GALNT16: variants seen among roughly 807,000 people sequenced by gnomAD.
GALNT16 encodes UDP-GalNAc:polypeptide N-acetylgalactosaminyltransferase-like protein 1.
In GALNT16, 40 loss-of-function variants were observed where a neutral mutation model predicts 76.1. That is an observed-to-expected ratio of 0.53 (90% CI 0.41 to 0.68). The LOEUF (loss-of-function observed/expected upper bound fraction) is 0.68, where lower values mean the gene tolerates loss of function less well. GALNT16 is among the 30% of genes least tolerant of loss of function. GALNT16 has a pLI of 0.00. For synonymous variants in GALNT16, 276 were observed against 285.2 expected (o/e 0.97, Z 0.32); for missense variants, 621 against 731.9 (o/e 0.85, Z 1.75).
intron 2 of GALNT16, among the ~76,000 whole-genome samples, chr14:69,322,990 ACGCG>A (rs1235629233): frequency 1.3e-4 from 3 of 22,644 alleles, no homozygotes; most frequent in South Asian, 2.1e-3. Flanking sequence ...GTGCGCGCGC[ACGCG>A]CGCACGCATG....
chr14:69,385,217 A>AG, the GALNT16 span, among the ~76,000 whole-genome samples: 1 of 152,322 alleles, frequency 6.6e-6, no homozygotes, highest in African/African-American at 2.4e-5. Flanking sequence ...GAGAGAGACT[A>AG]GGAAAAAAAT....
intron 1 of GALNT16, among the ~76,000 whole-genome samples, chr14:69,289,250 G>C (rs889008597): frequency 6.6e-6 from 1 of 152,164 alleles, no homozygotes; most frequent in African/African-American, 2.4e-5. Flanking sequence ...CTTGAGAGTG[G>C]CTGAGTCCAT....
chr14:69,273,519 G>A (rs2044432526), intron 1 of GALNT16, among the ~76,000 whole-genome samples: 1 of 152,176 alleles, frequency 6.6e-6, no homozygotes, highest in Non-Finnish European at 1.5e-5. Flanking sequence ...CATGCACCTT[G>A]TATTTACTAA....
At chr14:69,285,044 T>C (rs1203904205) in intron 1 of GALNT16, among the ~76,000 whole-genome samples, 1 of 148,660 alleles carries the variant, frequency 6.7e-6, no homozygotes, top group Non-Finnish European at 1.5e-5. Context: ...GGCACTCTTT[T>C]TTTTTTTTTT....
intron 10 of GALNT16, 144 bp downstream of exon 10, chr14:69,338,921 T>C: frequency 1.5e-6 from 1 of 649,748 alleles, no homozygotes; most frequent in East Asian, 2.8e-5. Flanking sequence ...TCTGGTAACA[T>C]CCTGGGATTG....
At chr14:69,382,707 C>G in the GALNT16 span, among the ~76,000 whole-genome samples, 1 of 150,578 alleles carries the variant, frequency 6.6e-6, no homozygotes, top group Non-Finnish European at 1.5e-5. Flanking sequence ...GGCGTGGTGG[C>G]GCGCACCTGT....
downstream of GALNT16, chr14:69,359,321 T>A (rs1298562278): frequency 6.6e-6 from 1 of 152,212 alleles, no homozygotes; most frequent in Non-Finnish European, 1.5e-5. Flanking sequence ...CTGGGTTTGT[T>A]TTTGTTTTGC....
intron 9 of GALNT16, among the ~76,000 whole-genome samples, chr14:69,338,131 C>A (rs576039927): frequency 1.3e-5 from 2 of 152,306 alleles, no homozygotes; most frequent in East Asian, 3.9e-4. Context: ...GGAGGCATGG[C>A]TCAAGAGGGC....
chr14:69,336,849 C>A (rs1170089240), intron 9 of GALNT16, among the ~76,000 whole-genome samples: 1 of 151,946 alleles, frequency 6.6e-6, no homozygotes, highest in African/African-American at 2.4e-5. Flanking sequence ...CTCAGCCTTC[C>A]AAATAGCTGG....
intron 1 of GALNT16, among the ~76,000 whole-genome samples, chr14:69,316,791 G>A (rs2045109079): frequency 1.3e-5 from 2 of 148,952 alleles, no homozygotes; most frequent in Admixed American, 1.3e-4. Context: ...GGGGGGCACT[G>A]AAGGTCACGT....
chr14:69,295,341 G>C (rs2044744519), intron 1 of GALNT16, among the ~76,000 whole-genome samples: 1 of 151,504 alleles, frequency 6.6e-6, no homozygotes, highest in African/African-American at 2.4e-5. Context: ...CTTGAGCCAG[G>C]GTGGTTGAGC....
intron 2 of GALNT16, among the ~76,000 whole-genome samples, chr14:69,321,111 C>T (rs528708369): frequency 2.1e-4 from 32 of 152,296 alleles, no homozygotes; most frequent in African/African-American, 7.5e-4. Context: ...CAGTCTGGCG[C>T]CCCAGCAAAA....
intron 1 of GALNT16, among the ~76,000 whole-genome samples, chr14:69,311,796 G>A (rs1167888893): frequency 6.6e-6 from 1 of 152,172 alleles, no homozygotes; most frequent in African/African-American, 2.4e-5. Context: ...ATTGGATCCT[G>A]GCCTGCTGGT....
chr14:69,280,911 G>A (rs1216049950), intron 1 of GALNT16, among the ~76,000 whole-genome samples: 1 of 152,078 alleles, frequency 6.6e-6, no homozygotes, highest in East Asian at 1.9e-4. Context: ...TGGGGAAGAA[G>A]CTGAGGTTAC....
At chr14:69,309,070 A>C (rs1249736203) in intron 1 of GALNT16, among the ~76,000 whole-genome samples, 11 of 152,196 alleles carry the variant, frequency 7.2e-5, no homozygotes, top group African/African-American at 2.4e-4. Flanking sequence ...TTAGTCATTA[A>C]TGAGGTTGAA....
the GALNT16 span, among the ~76,000 whole-genome samples, chr14:69,382,775 C>G: frequency 7.1e-6 from 1 of 140,680 alleles, no homozygotes; most frequent in Admixed American, 7.4e-5. Flanking sequence ...GGCGACAGTG[C>G]AAGACTCTAT....
At chr14:69,371,934 A>G in the GALNT16 span, among the ~76,000 whole-genome samples, 1 of 152,124 alleles carries the variant, frequency 6.6e-6, no homozygotes, top group South Asian at 2.1e-4. Flanking sequence ...ACAGAGCAAG[A>G]CTGTCTCAAA....
chr14:69,349,360 C>T (rs1260300839), intron 14 of GALNT16: 1 of 152,050 alleles, frequency 6.6e-6, no homozygotes, highest in Non-Finnish European at 1.5e-5. Context: ...TCACACATTT[C>T]CCCCTTTGTG....
At chr14:69,299,328 C>T (rs1055360927) in intron 1 of GALNT16, among the ~76,000 whole-genome samples, 4 of 152,162 alleles carry the variant, frequency 2.6e-5, no homozygotes, top group South Asian at 4.2e-4. Flanking sequence ...TAAGGGATCT[C>T]GCCTCAAGTC....
Sources: allele counts gnomAD v4.1 joint callset (sites outside exome capture counted in the v4.1 genomes callset), GRCh38; gene constraint gnomAD v4.1.1; transcripts MANE v1.5; gene names NCBI Gene and HGNC (gene_info 2026-07-23, HGNC 2026-07-21).